OPCML: variants seen among roughly 807,000 people sequenced by gnomAD.
OPCML encodes opioid-binding protein/cell adhesion molecule.
A neutral mutation model predicts 37.8 loss-of-function variants in OPCML; 13 were observed. The observed-to-expected ratio is 0.34, with a 90% CI of 0.22 to 0.55. The LOEUF (loss-of-function observed/expected upper bound fraction) is 0.55. Among genes scored for constraint, OPCML ranks in the 20% least tolerant of loss-of-function variants. The pLI is 0.91. For synonymous variants in OPCML, 176 were observed against 168.8 expected (o/e 1.04, Z -0.33); for missense variants, 341 against 435.6 (o/e 0.78, Z 1.93).
chr11:133,381,259 C>A (rs1385676013), intron 1 of OPCML, among the ~76,000 whole-genome samples: 1 of 152,220 alleles, frequency 6.6e-6, no homozygotes, highest in Non-Finnish European at 1.5e-5. Context: ...GCAGAGGAAA[C>A]TGGCAGGGAC....
rs997405095 is a variant in OPCML, at chr11:133,205,125, G to C, written c.62-262115C>G. 2.6e-5 allele frequency among the ~76,000 whole-genome samples: 4 copies of C among 151,776 alleles called. No homozygotes were observed. Among genetic ancestry groups the C allele is most frequent in the Non-Finnish European group, 5.9e-5 (4 of 67,976 alleles). On this transcript the variant is annotated intron_variant, in intron 1 of 7. Coordinates refer to ENST00000524381, the MANE Select transcript of OPCML (RefSeq NM_001012393.5). The surrounding 1 kb of genome is among the most constrained non-coding windows in gnomAD (Gnocchi z 4.8). ...GTCCCACCCTCTTCTTCCTGGGAGG[G>C]GAGATGAGGTGAAGGTTGAGTTGCT...
chr11:133,515,168 C>T lies in OPCML; in HGVS notation c.61+17096G>A, dbSNP rs939490371. Reference sequence around the variant, plus strand: ...ACCAGAAGCTCCTCACAGACTTGAACCAGAGCAGGTCAGAGGTGCAGTCCT... The same window carrying T: ...ACCAGAAGCTCCTCACAGACTTGAATCAGAGCAGGTCAGAGGTGCAGTCCT... On this transcript the variant is annotated intron_variant, in intron 1 of 7. Coordinates refer to ENST00000524381, the MANE Select transcript of OPCML (RefSeq NM_001012393.5). Among the ~76,000 whole-genome samples the T allele has an allele frequency of 2.6e-5, 4 of 152,190 alleles. No individual in the cohort carries two copies. In the South Asian group the frequency reaches 8.3e-4, roughly 31 times the overall value.
At chr11:132,867,955 G>C (rs1465874196) in intron 2 of OPCML, among the ~76,000 whole-genome samples, 1 of 152,186 alleles carries the variant, frequency 6.6e-6, no homozygotes, top group Non-Finnish European at 1.5e-5. Flanking sequence ...TGCATGCAGA[G>C]AAGTGACAAA....
chr11:133,374,559 A>G (rs1247373626), intron 1 of OPCML, among the ~76,000 whole-genome samples: 1 of 152,192 alleles, frequency 6.6e-6, no homozygotes, highest in Non-Finnish European at 1.5e-5. Flanking sequence ...TTTTCTCCTT[A>G]GAATGATTTT....
At chr11:132,590,821 G>A (rs1459785251) in intron 3 of OPCML, among the ~76,000 whole-genome samples, 1 of 152,130 alleles carries the variant, frequency 6.6e-6, no homozygotes, top group Admixed American at 6.6e-5. Context: ...TGCCTGCCGG[G>A]TGCCCTTTCG....
chr11:132,528,760 C>A (rs930683450), intron 4 of OPCML, among the ~76,000 whole-genome samples: 50 of 152,308 alleles, frequency 3.3e-4, no homozygotes, highest in African/African-American at 1.2e-3. Flanking sequence ...CACCAACTGA[C>A]CCACCTCTAC....
At chr11:133,053,002 T>G (rs1266908959) in intron 1 of OPCML, among the ~76,000 whole-genome samples, 1 of 152,232 alleles carries the variant, frequency 6.6e-6, no homozygotes, top group African/African-American at 2.4e-5. Flanking sequence ...TGAGGTGGTA[T>G]TCTATTCATT....
chr11:133,010,053 C>A (rs956777515), intron 1 of OPCML, among the ~76,000 whole-genome samples: 1 of 152,184 alleles, frequency 6.6e-6, no homozygotes, highest in Non-Finnish European at 1.5e-5. Flanking sequence ...CAAAGAGTTT[C>A]CCACAGCTGA....
At chr11:133,004,744 C>T (rs1003191354) in intron 1 of OPCML, 16 of 985,278 alleles carry the variant, frequency 1.6e-5, no homozygotes, top group Non-Finnish European at 1.8e-5. Context: ...TCACACCGGA[C>T]GCGTGGATGG....
At chr11:133,164,714 T>C (rs1311184104) in intron 1 of OPCML, among the ~76,000 whole-genome samples, 1 of 152,238 alleles carries the variant, frequency 6.6e-6, no homozygotes, top group Non-Finnish European at 1.5e-5. Flanking sequence ...ATTCCAGGTG[T>C]AAGTTAAAGG....
intron 3 of OPCML, among the ~76,000 whole-genome samples, chr11:132,542,896 C>T (rs1337791314): frequency 2.0e-5 from 3 of 152,186 alleles, no homozygotes; most frequent in African/African-American, 4.8e-5. Flanking sequence ...CACTGTGCCT[C>T]ACCCCTGCAC....
chr11:132,596,125 CATGTCCAT>C (rs1400520239), intron 3 of OPCML, among the ~76,000 whole-genome samples: 1 of 152,184 alleles, frequency 6.6e-6, no homozygotes, highest in Non-Finnish European at 1.5e-5. Context: ...ATAATCATGT[CATGTCCAT>C]AGTGGCTTTG....
intron 3 of OPCML, among the ~76,000 whole-genome samples, chr11:132,534,069 C>T (rs958162042): frequency 6.6e-6 from 1 of 152,100 alleles, no homozygotes; most frequent in Non-Finnish European, 1.5e-5. Context: ...TCAAGTGTTT[C>T]CCATCCTAGA....
At chr11:133,171,500 A>G (rs1046139289) in intron 1 of OPCML, among the ~76,000 whole-genome samples, 9 of 152,112 alleles carry the variant, frequency 5.9e-5, no homozygotes, top group African/African-American at 1.9e-4. Flanking sequence ...AGTTCTTAAA[A>G]CCTCATGTTT....
intron 4 of OPCML, among the ~76,000 whole-genome samples, chr11:132,513,942 C>T (rs367764465): frequency 2.5e-4 from 38 of 152,256 alleles, no homozygotes; most frequent in Middle Eastern, 3.4e-3. Flanking sequence ...GTACATAACA[C>T]GTAGAAGGCA....
Position 133,239,974 on chromosome 11 carries a change from C to T in OPCML, c.61+292290G>A, listed in dbSNP as rs576671881. On this transcript the variant is annotated intron_variant, in intron 1 of 7. Coordinates refer to ENST00000524381, the MANE Select transcript of OPCML (RefSeq NM_001012393.5). ...CTTAATTATGGAGAAGAAAATAAAA[C>T]GAAGGTATTTTGCCCTAGAGGGAAA... is the stretch of plus-strand genomic sequence containing the variant. Among the ~76,000 whole-genome samples, 13 of 152,008 alleles carry T rather than the reference C, an allele frequency of 8.6e-5. No homozygotes were observed. The East Asian group carries it at 1.4e-3, about 16-fold the overall frequency.
intron 1 of OPCML, among the ~76,000 whole-genome samples, chr11:133,031,532 T>C (rs944623310): frequency 1.3e-5 from 2 of 148,894 alleles, no homozygotes; most frequent in Admixed American, 6.7e-5. Flanking sequence ...GATGGATGGA[T>C]GGTTGGATGG....
chr11:132,638,154 A>G (rs1358893814), intron 3 of OPCML, among the ~76,000 whole-genome samples: 1 of 61,702 alleles, frequency 1.6e-5, no homozygotes, highest in Admixed American at 1.9e-4. Flanking sequence ...TAAAGAGCAT[A>G]TATACAGACT....
At chr11:132,584,129 G>A (rs1018772250) in intron 3 of OPCML, among the ~76,000 whole-genome samples, 4 of 151,980 alleles carry the variant, frequency 2.6e-5, no homozygotes, top group Non-Finnish European at 4.4e-5. Context: ...AAAAAATTAC[G>A]GGAATTTGTG....
Sources: gnomAD v4.1 joint callset for allele counts (sites outside exome capture counted in the v4.1 genomes callset) on GRCh38, gnomAD v4.1.1 for gene constraint, Gnocchi (gnomAD v3.1) non-coding constraint, MANE v1.5 for transcripts, NCBI Gene and HGNC (gene_info 2026-07-23, HGNC 2026-07-21) for gene names.